The following BTN1A1 variants were observed in gnomAD, a reference collection of about 807,000 sequenced individuals.
BTN1A1 encodes the protein bK14H9.2 (butyrophilin, subfamily 1, member A1).
A neutral mutation model predicts 33.1 loss-of-function variants in BTN1A1; 26 were observed. The ratio of observed to expected loss-of-function variants is 0.79; its 90% CI spans 0.58 to 1.09. BTN1A1 has a LOEUF of 1.09. BTN1A1 is among the 50% of genes least tolerant of loss of function. The probability of loss-of-function intolerance (pLI) is 0.00; values close to 1 mark genes in which losing one functional copy is unlikely to be tolerated. For missense variants in BTN1A1, 558 were observed against 655.7 expected (o/e 0.85, Z 1.63); for synonymous variants, 235 against 256.2 (o/e 0.92, Z 0.79).
rs1303776540 is a variant in BTN1A1 at position 26,508,493 on chromosome 6, C to A, written c.908-8C>A. On this transcript the variant is annotated splice_polypyrimidine_tract_variant and splice_region_variant and intron_variant, in intron 7 of 7. Coordinates refer to ENST00000684113, the MANE Select transcript of BTN1A1 (RefSeq NM_001732.3). ...CTGATGTCAGACCTGCTGTTTCTTT[C>A]TCTCCAGTTGATGTGACTCTGGACC... 1 of 1,604,750 alleles carries A rather than the reference C, an allele frequency of 6.2e-7. No individual in the cohort carries two copies. The highest frequency in any genetic ancestry group is 8.5e-7 in the Non-Finnish European group (1 of 1,175,238).
chr6:26,509,001 C>G lies in BTN1A1; in HGVS notation c.1408C>G (p.Leu470Val). 6.2e-7 allele frequency: 1 copy of G among 1,614,230 alleles called. No individual in the cohort carries two copies. Among genetic ancestry groups the G allele is most frequent in the Non-Finnish European group, 8.5e-7 (1 of 1,180,034 alleles). ...FCLWSSGKKP[L>V]TICPIADGPE... ...CCTATGGTCTAGCGGTAAAAAGCCC[C>G]TGACCATCTGCCCAATTGCTGATGG... The change falls in exon 8 of 8, where the codon CTG becomes GTG. Residue 470 changes from leucine (L) to valine (V), a missense_variant. Leu to Val is a conservative substitution (Grantham distance 32). Transcript: ENST00000684113.
chr6:26,502,803 C>T (rs1278077184), intron 3 of BTN1A1, among the ~76,000 whole-genome samples: 1 of 152,164 alleles, frequency 6.6e-6, no homozygotes, highest in African/African-American at 2.4e-5. Flanking sequence ...GATTAGAGAG[C>T]ATGGCGGTTT....
intron 5 of BTN1A1, 30 bp from the exon 6 acceptor site, chr6:26,507,920 G>A (rs1763891919): frequency 6.2e-7 from 1 of 1,613,368 alleles, no homozygotes; most frequent in Non-Finnish European, 8.5e-7. Flanking sequence ...ACTATAGAAA[G>A]CCATTGAGGT....
At chr6:26,507,472 TC>T (rs759857336) in intron 5 of BTN1A1, among the ~76,000 whole-genome samples, 3 of 152,114 alleles carry the variant, frequency 2.0e-5, no homozygotes, top group East Asian at 3.8e-4. Context: ...CCCGTAGTAA[TC>T]TTAGCACTTT....
intron 4 of BTN1A1, among the ~76,000 whole-genome samples, chr6:26,505,952 A>C (rs911313851): frequency 1.1e-4 from 16 of 151,894 alleles, no homozygotes; most frequent in Non-Finnish European, 1.9e-4. Flanking sequence ...CCCCGCCTCT[A>C]CTAAAAATAC....
chr6:26,506,553 A>AT lies in BTN1A1; in HGVS notation c.710-123dup, dbSNP rs1174324307. On this transcript the variant is annotated intron_variant, in intron 4 of 7. Coordinates refer to ENST00000684113, the MANE Select transcript of BTN1A1 (RefSeq NM_001732.3). ...AGTTTAGAGTGGCATTGGAGTGACT[A>AT]TTTTTTTGCTATATGAGGGATGAGA... is the stretch of plus-strand genomic sequence containing the variant. 49 of 936,742 alleles carry AT rather than the reference A, an allele frequency of 5.2e-5. 1 individual carries two copies. The highest frequency in any genetic ancestry group is 6.9e-4 in the Middle Eastern group (2 of 2,902). 58.0% of individuals were successfully genotyped at this position (936,742 alleles called of 1,614,324 possible). A position where few individuals can be genotyped will look rare whatever the true frequency, so the allele number is the denominator to read the frequency against.
intron 3 of BTN1A1, among the ~76,000 whole-genome samples, chr6:26,502,240 T>G (rs1304046157): frequency 6.6e-6 from 1 of 152,192 alleles, no homozygotes; most frequent in Non-Finnish European, 1.5e-5. Context: ...ATTTATAGAA[T>G]AGTTTTTATG....
chr6:26,500,983 G>A (rs1763790854), intron 1 of BTN1A1, among the ~76,000 whole-genome samples: 1 of 151,990 alleles, frequency 6.6e-6, no homozygotes, highest in South Asian at 2.1e-4. Context: ...TTTGTTCATC[G>A]ATATGCAACC....
chr6:26,505,514 TC>T (rs1763857946), intron 4 of BTN1A1, among the ~76,000 whole-genome samples: 1 of 152,200 alleles, frequency 6.6e-6, no homozygotes, highest in Admixed American at 6.5e-5. Flanking sequence ...AAGCTCCGCT[TC>T]CCAGGTTCAA....
At position 26,501,314 on chromosome 6, in the gene BTN1A1, C is replaced by A; in HGVS notation, c.28C>A (p.Pro10Thr). 1.9e-6 allele frequency: 3 copies of A among 1,614,154 alleles called. No individual in the cohort carries two copies. The South Asian group carries it at 3.3e-5, about 18-fold the overall frequency. Reference sequence around the variant, plus strand: ...GGCAGTTTTCCCAAGCTCCGGTCTCCCCAGATGTCTGCTCACCCTCATTCT... The same window carrying A: ...GGCAGTTTTCCCAAGCTCCGGTCTCACCAGATGTCTGCTCACCCTCATTCT... MAVFPSSGL[P>T]RCLLTLILLQ... Residue 10 changes from proline (P) to threonine (T), a missense_variant, in exon 2 of 8, where the codon CCC (proline) becomes ACC (threonine). By Grantham distance (38) the Pro-to-Thr change is conservative. Coordinates refer to ENST00000684113, the MANE Select transcript of BTN1A1 (RefSeq NM_001732.3). The surrounding 1 kb of genome is among the most constrained non-coding windows in gnomAD (Gnocchi z 5.2).
chr6:26,501,411 T>C lies in BTN1A1; in HGVS notation c.79+46T>C. 1 of 1,589,940 alleles carries C rather than the reference T, an allele frequency of 6.3e-7. No homozygotes were observed. Among genetic ancestry groups the C allele is most frequent in the Non-Finnish European group, 8.6e-7 (1 of 1,158,228 alleles). ...GGGCTGCATAGTTGAAATATATCAA[T>C]AAATGTAAAATAAACAATCCCACTT... is the stretch of plus-strand genomic sequence containing the variant. On this transcript the variant is annotated intron_variant, in intron 2 of 7. Transcript: ENST00000684113. This position sits in a 1 kb window ranked among gnomAD's most constrained non-coding sequence, Gnocchi z 5.2.
Position 26,501,725 on chromosome 6 carries a change from C to T in BTN1A1, c.215C>T (p.Pro72Leu), listed in dbSNP as rs771415855. The change falls in exon 3 of 8, where the codon CCG becomes CTG. Residue 72 changes from proline to leucine, a missense_variant. Coordinates refer to ENST00000684113, the MANE Select transcript of BTN1A1 (RefSeq NM_001732.3). The surrounding 1 kb of genome is among the most constrained non-coding windows in gnomAD (Gnocchi z 5.2). Reference sequence around the variant, plus strand: ...CGCTGGTTCCGAAAGAAGGTTTCGCCGGCCGTGCTGGTGCATAGGGACGGG... The same window carrying T: ...CGCTGGTTCCGAAAGAAGGTTTCGCTGGCCGTGCTGGTGCATAGGGACGGG... Reference protein sequence around the residue: ...ELRWFRKKVSPAVLVHRDGRE... With the variant: ...ELRWFRKKVSLAVLVHRDGRE... 8.7e-6 allele frequency: 14 copies of T among 1,613,872 alleles called. No homozygotes were observed. Among genetic ancestry groups the T allele is most frequent in the Non-Finnish European group, 1.1e-5 (13 of 1,180,014 alleles).
Position 26,501,642 on chromosome 6 carries a change from G to A in BTN1A1, c.132G>A (p.Glu44=), listed in dbSNP as rs141240545. The change falls in exon 3 of 8, where the codon GAG becomes GAA. Residue 44 remains glutamate, a synonymous_variant. Coordinates refer to ENST00000684113, the MANE Select transcript of BTN1A1 (RefSeq NM_001732.3). This position sits in a 1 kb window ranked among gnomAD's most constrained non-coding sequence, Gnocchi z 5.2. Reference sequence around the variant, plus strand: ...AGCCCATCCTGGCCGTTGTGGGTGAGGACGCCGAGCTGCCCTGTCGCCTGT... The same window carrying A: ...AGCCCATCCTGGCCGTTGTGGGTGAAGACGCCGAGCTGCCCTGTCGCCTGT... The part of the protein sequence containing the change: ...PPEPILAVVG[E]DAELPCRLSP... The A allele has an allele frequency of 3.7e-6, 6 of 1,613,948 alleles. No individual in the cohort carries two copies. The highest frequency in any genetic ancestry group is 5.1e-6 in the Non-Finnish European group (6 of 1,179,976).
Position 26,501,266 on chromosome 6 carries a change from G to A in BTN1A1, c.-21G>A. ...TGAGGGGACTCACATCAGTTATCTT[G>A]CTGCTCCAGAAGGGTGGGAGATGGC... is the stretch of plus-strand genomic sequence containing the variant. On this transcript the variant is annotated 5_prime_UTR_variant, in exon 2 of 8. Transcript: ENST00000684113. The surrounding 1 kb of genome is among the most constrained non-coding windows in gnomAD (Gnocchi z 5.2). 1 of 1,607,432 alleles carries A rather than the reference G, an allele frequency of 6.2e-7. No individual in the cohort carries two copies. The highest frequency in any genetic ancestry group is 8.5e-7 in the Non-Finnish European group (1 of 1,174,006).
chr6:26,505,284 G>A (rs1328816483), intron 4 of BTN1A1, 78 bp downstream of exon 4: 18 of 1,429,292 alleles, frequency 1.3e-5, no homozygotes, highest in South Asian at 5.0e-5. Context: ...CTGCCCAGAT[G>A]TGACCTCATG....
intron 1 of BTN1A1, among the ~76,000 whole-genome samples, chr6:26,500,667 A>G (rs1763786324): frequency 1.3e-5 from 2 of 152,236 alleles, no homozygotes; most frequent in Non-Finnish European, 2.9e-5. Context: ...CTGTAATCCC[A>G]GCACTTTGGG....
intron 3 of BTN1A1, 36 bp from the exon 4 acceptor site, chr6:26,504,889 C>T: frequency 8.8e-6 from 14 of 1,597,888 alleles, no homozygotes; most frequent in Non-Finnish European, 1.2e-5. Flanking sequence ...CAAAAGGGGT[C>T]CGCTAAAACA....
rs185631627 is a variant in BTN1A1 at position 26,506,505 on chromosome 6, T to C, written c.710-178T>C. ...TCTCTCTTTCTCTGCTGACTCCTGC[T>C]TGAAGTCAATTTTTTTCTGAAAAGT... is the stretch of plus-strand genomic sequence containing the variant. On this transcript the variant is annotated intron_variant, in intron 4 of 7. Transcript: ENST00000684113. 5.9e-5 allele frequency among the ~76,000 whole-genome samples: 9 copies of C among 152,260 alleles called. 1 individual carries two copies. The highest frequency in any genetic ancestry group is 5.9e-4 in the Admixed American group (9 of 15,274).
Position 26,508,077 on chromosome 6 carries a change from C to T in BTN1A1, c.897C>T (p.Thr299=), listed in dbSNP as rs769258098. ...LLEELKWKKA[T]LHAVDVTLDP... is the part of the protein sequence containing the mutation. ...TTGTTGCAGAATGGAAAAAGGCTAC[C>T]TTGCATGCAGGTCAGTGGCTCTGAA... Residue 299 remains threonine (T), a synonymous_variant, in exon 7 of 8, where the codon ACC becomes ACT. Coordinates refer to ENST00000684113, the MANE Select transcript of BTN1A1 (RefSeq NM_001732.3). 9.3e-6 allele frequency: 15 copies of T among 1,612,320 alleles called. No homozygotes were observed. The highest frequency in any genetic ancestry group is 1.1e-5 in the Non-Finnish European group (13 of 1,179,480).
Sources: gnomAD v4.1 joint callset for allele counts (sites outside exome capture counted in the v4.1 genomes callset) on GRCh38, gnomAD v4.1.1 for gene constraint, Gnocchi (gnomAD v3.1) non-coding constraint, MANE v1.5 for transcripts, NCBI Gene and HGNC (gene_info 2026-07-23, HGNC 2026-07-21) for gene names.